The following C4orf50 variants were observed in gnomAD, a reference collection of about 807,000 sequenced individuals.
C4orf50 encodes chromosome 4 open reading frame 50.
C4orf50 carries 80 observed loss-of-function variants against 77.2 expected under a neutral mutation model. The observed-to-expected ratio is 1.04, with a 90% CI of 0.87 to 1.25. C4orf50 has a LOEUF of 1.25. Among genes scored for constraint, C4orf50 ranks in the 50% most tolerant of loss-of-function variants. C4orf50 has a pLI of 0.00. For synonymous variants in C4orf50, 532 were observed against 465.3 expected, an observed-to-expected ratio of 1.14 and a Z score of -1.84; for missense variants, 1,257 against 1,152.9, an observed-to-expected ratio of 1.09 and a Z score of -1.31.
chr4:5,913,744 G>A (rs191183730), intron 7 of C4orf50, among the ~76,000 whole-genome samples: 1 of 152,304 alleles, frequency 6.6e-6, no homozygotes, highest in African/African-American at 2.4e-5. Flanking sequence ...CAAACCTCCA[G>A]GCTGCCAAGG....
chr4:5,967,379 C>T, intron 32 of C4orf50, 35 bp downstream of exon 10: 3 of 1,580,808 alleles, frequency 1.9e-6, no homozygotes, highest in Non-Finnish European at 2.6e-6. Flanking sequence ...TTTTTCTGAG[C>T]ACACAGGCTT....
rs1719297145 is a variant in C4orf50 at position 5,961,882 on chromosome 4, C to G, written c.4276-2256G>C. ...TTGTGTGACGTGACAAATTTAGTTA[C>G]TGCCCTTCAAAACTCCATGACCTCA... is the stretch of plus-strand genomic sequence containing the variant. On this transcript the variant is annotated intron_variant, in intron 33 of 33. Transcript: ENST00000531445. Among the ~76,000 whole-genome samples, 2 of 152,072 alleles carry G rather than the reference C, an allele frequency of 1.3e-5. 1 individual carries two copies. Among genetic ancestry groups the G allele is most frequent in the South Asian group, 4.1e-4 (2 of 4,826 alleles).
chr4:5,973,920 T>C, intron 30 of C4orf50, 79 bp from the exon 9 acceptor site: 1 of 1,180,426 alleles, frequency 8.5e-7, no homozygotes, highest in Non-Finnish European at 1.2e-6. Flanking sequence ...GGCCGGAGGG[T>C]CAGCTGAGGC....
In C4orf50 at chr4:6,015,563, G is replaced by A. The variant is rs114835864; in HGVS notation, c.287+2582C>T. ...CAGGGCCACTGTCTATGTGGAGTTT[G>A]CCCATTCTCCCCATGTCTGTGTGGG... On this transcript the variant is annotated intron_variant, in intron 23 of 33. Coordinates refer to ENST00000531445, the Ensembl canonical transcript of C4orf50. The surrounding 1 kb of genome is among the most constrained non-coding windows in gnomAD (Gnocchi z 4.4). Among the ~76,000 whole-genome samples, 8 of 151,974 alleles carry A rather than the reference G, an allele frequency of 5.3e-5. No homozygotes were observed. The highest frequency in any genetic ancestry group is 1.9e-4 in the African/African-American group (8 of 41,380).
intron 25 of C4orf50, among the ~76,000 whole-genome samples, chr4:6,003,005 C>G (rs747609721): frequency 1.3e-5 from 2 of 152,232 alleles, no homozygotes; most frequent in Non-Finnish European, 2.9e-5. Flanking sequence ...CACCTCCTCT[C>G]ACATCCCAGG....
intron 25 of C4orf50, among the ~76,000 whole-genome samples, chr4:6,003,881 G>A (rs199578737): frequency 0.012 from 462 of 39,582 alleles, 1 homozygote; most frequent in Middle Eastern, 0.023. Flanking sequence ...GATGGTGATG[G>A]TGATTATGGT....
chr4:6,007,859 G>A lies in C4orf50; in HGVS notation c.963+137C>T, dbSNP rs1722308388. The A allele has an allele frequency of 5.0e-6, 2 of 397,640 alleles. No homozygotes were observed. Among genetic ancestry groups the A allele is most frequent in the South Asian group, 2.8e-4 (2 of 7,038 alleles). The allele number at this position is 397,640 out of a possible 1,614,324, so 24.6% of individuals were successfully genotyped here. A position where few individuals can be genotyped will look rare whatever the true frequency, so the allele number is the denominator to read the frequency against. ...GAGGTGAGTAGATGCAGTGAAGGAC[G>A]ATGGACAGGGCTGGCAGGGTTAAAC... On this transcript the variant is annotated intron_variant, in intron 25 of 33. Coordinates refer to ENST00000531445, the Ensembl canonical transcript of C4orf50. The surrounding 1 kb of genome is among the most constrained non-coding windows in gnomAD (Gnocchi z 4.1).
At chr4:5,994,059 A>G (rs1437335187) in intron 26 of C4orf50, among the ~76,000 whole-genome samples, 1 of 152,024 alleles carries the variant, frequency 6.6e-6, no homozygotes, top group East Asian at 1.9e-4. Flanking sequence ...CTGCTGGCCT[A>G]TGAGGCCCCC....
intron 25 of C4orf50, among the ~76,000 whole-genome samples, chr4:6,004,274 G>A (rs1368817664): frequency 2.1e-5 from 1 of 47,260 alleles, no homozygotes. Context: ...GGTGGTGATG[G>A]TGATGGTGAT....
intron 7 of C4orf50, among the ~76,000 whole-genome samples, chr4:5,929,713 G>A (rs1459740181): frequency 6.6e-6 from 1 of 152,234 alleles, no homozygotes; most frequent in Non-Finnish European, 1.5e-5. Flanking sequence ...CGCTCTGTGA[G>A]CGCTAGCCCT....
intron 7 of C4orf50, among the ~76,000 whole-genome samples, chr4:5,936,514 A>G (rs1273466476): frequency 7.1e-6 from 1 of 141,762 alleles, no homozygotes; most frequent in East Asian, 2.0e-4. Flanking sequence ...GTGAGCCGAG[A>G]TCGCACCACT....
At chr4:5,985,283 A>G (rs1720798821) in intron 28 of C4orf50, among the ~76,000 whole-genome samples, 1 of 152,206 alleles carries the variant, frequency 6.6e-6, no homozygotes, top group African/African-American at 2.4e-5. Flanking sequence ...GTAAGAAAGA[A>G]AGAACAGAAT....
At chr4:5,964,765 C>A (rs1308510701) in intron 33 of C4orf50, among the ~76,000 whole-genome samples, 1 of 10,946 alleles carries the variant, frequency 9.1e-5, no homozygotes, top group Non-Finnish European at 1.6e-4. Context: ...AAGACTCTGT[C>A]TCAAAAAAAA....
intron 7 of C4orf50, among the ~76,000 whole-genome samples, chr4:5,946,998 C>T (rs550742022): frequency 2.6e-5 from 4 of 152,310 alleles, no homozygotes; most frequent in African/African-American, 9.6e-5. Flanking sequence ...GGAGAGACCA[C>T]CATTTCAATA....
chr4:5,979,808 G>A (rs746404978), intron 29 of C4orf50, among the ~76,000 whole-genome samples: 2 of 152,200 alleles, frequency 1.3e-5, no homozygotes, highest in African/African-American at 2.4e-5. Flanking sequence ...GTGTGTCTGC[G>A]TGTTAAGTCC....
At position 5,911,819 on chromosome 4, in the gene C4orf50, G is replaced by A. The variant is rs554659539; in HGVS notation, c.*2475-13631C>T. ...TCCCAATACTTTGAGAGGCCCAGGC[G>A]GGCCGATCACAAAGTCAAGAGATCG... On this transcript the variant is annotated intron_variant, in intron 7 of 7. Coordinates refer to the C4orf50 transcript ENST00000324058. 6.1e-4 allele frequency among the ~76,000 whole-genome samples: 93 copies of A among 152,304 alleles called. 1 individual carries two copies. In the South Asian group the frequency reaches 8.3e-3, roughly 14 times the overall value.
chr4:5,983,613 T>C (rs1577964808), intron 28 of C4orf50, among the ~76,000 whole-genome samples: 2 of 152,198 alleles, frequency 1.3e-5, no homozygotes, highest in African/African-American at 4.8e-5. Flanking sequence ...TTTGCAGGCA[T>C]TGGAAGATGA....
In C4orf50 at chr4:5,935,679, G is replaced by A. The variant is rs552381853; in HGVS notation, c.*2474+21222C>T. 1.5e-4 allele frequency among the ~76,000 whole-genome samples: 23 copies of A among 150,096 alleles called. No homozygotes were observed. In the East Asian group the frequency reaches 2.9e-3, roughly 19 times the overall value. ...CGGGCGCCTATAGTCCCAGCTACTC[G>A]GGAGGCTGAGGCAGGAGAATCACTT... On this transcript the variant is annotated intron_variant, in intron 7 of 7. Transcript: ENST00000324058.
intron 25 of C4orf50, among the ~76,000 whole-genome samples, chr4:5,998,934 T>G (rs556602644): frequency 6.6e-6 from 1 of 152,280 alleles, no homozygotes; most frequent in Admixed American, 6.5e-5. Flanking sequence ...CCCAAACTCC[T>G]CCCCACATCA....
Sources: gnomAD v4.1 joint callset for allele counts (sites outside exome capture counted in the v4.1 genomes callset) on GRCh38, gnomAD v4.1.1 for gene constraint, Gnocchi (gnomAD v3.1) non-coding constraint, MANE v1.5 for transcripts, NCBI Gene and HGNC (gene_info 2026-07-23, HGNC 2026-07-21) for gene names.